Variants in UACA observed in about 807,000 individuals in gnomAD.
UACA encodes the protein nuclear membrane binding protein.
Under a neutral mutation model 160.5 loss-of-function variants are expected in UACA, and 112 were observed. That is an observed-to-expected ratio of 0.70 (90% CI 0.60 to 0.82). The LOEUF is 0.82. UACA is among the 40% of genes least tolerant of loss of function. The pLI, the probability that UACA is intolerant of heterozygous loss-of-function variation, is 0.00. For missense variants in UACA, 1,574 were observed against 1,614.6 expected (o/e 0.97, Z 0.43); for synonymous variants, 557 against 568.4 (o/e 0.98, Z 0.29).
chr15:70,776,488 C>T, the UACA span, among the ~76,000 whole-genome samples: 7 of 145,766 alleles, frequency 4.8e-5, no homozygotes, highest in East Asian at 1.0e-3. Flanking sequence ...AGTGCAGTGG[C>T]GTGATCTCAG....
chr15:70,703,761 C>A (rs993003565), intron 1 of UACA, among the ~76,000 whole-genome samples: 4 of 152,176 alleles, frequency 2.6e-5, no homozygotes, highest in African/African-American at 9.7e-5. Context: ...TGCCACCTCC[C>A]CAGCCTCTGT....
chr15:70,711,178 T>C (rs955898325), intron 1 of UACA, among the ~76,000 whole-genome samples: 2 of 152,148 alleles, frequency 1.3e-5, no homozygotes, highest in East Asian at 1.9e-4. Flanking sequence ...CAAAAGCACA[T>C]ATTCAGAAAA....
intron 1 of UACA, among the ~76,000 whole-genome samples, chr15:70,721,407 C>T (rs879929822): frequency 2.2e-4 from 33 of 152,082 alleles, no homozygotes; most frequent in Non-Finnish European, 4.6e-4. Context: ...GGGCGGATCA[C>T]AAGGTCAGGA....
At chr15:70,771,030 G>A in the UACA span, among the ~76,000 whole-genome samples, 1 of 152,190 alleles carries the variant, frequency 6.6e-6, no homozygotes, top group Non-Finnish European at 1.5e-5. Context: ...CAGCCAGAGA[G>A]CTCCCATTCA....
At chr15:70,755,868 T>C (rs1037507660) in intron 1 of UACA, among the ~76,000 whole-genome samples, 72 of 152,094 alleles carry the variant, frequency 4.7e-4, no homozygotes, top group Non-Finnish European at 7.4e-5. Flanking sequence ...CACAGCTCCA[T>C]ACCACTGCAT....
At chr15:70,694,412 T>A (rs980164259) in intron 3 of UACA, among the ~76,000 whole-genome samples, 2 of 152,012 alleles carry the variant, frequency 1.3e-5, no homozygotes, top group East Asian at 1.9e-4. Context: ...ATGATTTTTT[T>A]ATAAATATAG....
Position 70,687,655 on chromosome 15 carries a change from C to T in UACA, c.496-9G>A. 1 of 1,613,734 alleles carries T rather than the reference C, an allele frequency of 6.2e-7. No homozygotes were observed. Among genetic ancestry groups the T allele is most frequent in the Non-Finnish European group, 8.5e-7 (1 of 1,179,794 alleles). ...AGTGGTGTCCGCCCGTCCTAAGCAA[C>T]AGGAAAAATAAAACAGCATTAAGAC... On this transcript the variant is annotated splice_polypyrimidine_tract_variant and intron_variant, in intron 6 of 18. Coordinates refer to ENST00000322954, the MANE Select transcript of UACA (RefSeq NM_018003.4).
At chr15:70,745,639 A>G (rs1899684167) in intron 1 of UACA, among the ~76,000 whole-genome samples, 1 of 152,200 alleles carries the variant, frequency 6.6e-6, no homozygotes, top group Non-Finnish European at 1.5e-5. Context: ...ACCAAAAAAG[A>G]GCCTGCATTG....
At chr15:70,722,881 G>A (rs1899033268) in intron 1 of UACA, among the ~76,000 whole-genome samples, 1 of 151,884 alleles carries the variant, frequency 6.6e-6, no homozygotes, top group Non-Finnish European at 1.5e-5. Flanking sequence ...AATTAAGGTG[G>A]CACCACTCAG....
intron 13 of UACA, among the ~76,000 whole-genome samples, chr15:70,674,974 T>C (rs1008104497): frequency 1.3e-5 from 2 of 152,214 alleles, no homozygotes; most frequent in African/African-American, 4.8e-5. Flanking sequence ...GAAATTATAT[T>C]ATACTTTGAT....
chr15:70,754,007 T>C (rs961114816), intron 1 of UACA: 1 of 404,230 alleles, frequency 2.5e-6, no homozygotes, highest in Non-Finnish European at 4.9e-6. Flanking sequence ...GGTTTCATCA[T>C]GTTGCCCAGG....
intron 1 of UACA, among the ~76,000 whole-genome samples, chr15:70,763,079 C>A (rs1296666558): frequency 2.0e-5 from 3 of 152,280 alleles, no homozygotes; most frequent in South Asian, 2.1e-4. Flanking sequence ...ACTGAGGTTT[C>A]TTCCAGAAGT....
At chr15:70,694,963 G>T in intron 3 of UACA, 54 bp downstream of exon 3, 1 of 1,360,156 alleles carries the variant, frequency 7.4e-7, no homozygotes, top group Non-Finnish European at 1.0e-6. Flanking sequence ...GTTAGCAGTG[G>T]ACAATGTTTG....
intron 1 of UACA, among the ~76,000 whole-genome samples, chr15:70,749,917 T>A (rs763101257): frequency 1.2e-4 from 18 of 152,176 alleles, no homozygotes; most frequent in Admixed American, 2.6e-4. Flanking sequence ...CAGGAAGATA[T>A]GGACAGTGCT....
intron 1 of UACA, among the ~76,000 whole-genome samples, chr15:70,710,805 C>T (rs1829252107): frequency 6.6e-6 from 1 of 152,242 alleles, no homozygotes; most frequent in Non-Finnish European, 1.5e-5. Flanking sequence ...TCACCATCCT[C>T]CAGGTGCCTC....
rs925564064 is a variant in UACA at position 70,677,098 on chromosome 15, G to A, written c.1032+10C>T. 1 of 1,597,124 alleles carries A rather than the reference G, an allele frequency of 6.3e-7. No homozygotes were observed. Among genetic ancestry groups the A allele is most frequent in the African/African-American group, 1.3e-5 (1 of 74,084 alleles). ...CAATTTTAATGGTTTAAAATAAAAT[G>A]TCACCCTACCTCGCTTTCCAGATCA... is the stretch of plus-strand genomic sequence containing the variant. On this transcript the variant is annotated intron_variant, in intron 12 of 18. Transcript: ENST00000322954.
chr15:70,769,826 A>G, the UACA span, among the ~76,000 whole-genome samples: 1 of 152,032 alleles, frequency 6.6e-6, no homozygotes, highest in East Asian at 1.9e-4. Context: ...GTGAAACCCC[A>G]TCTCTACTAA....
intron 18 of UACA, among the ~76,000 whole-genome samples, chr15:70,657,529 A>C (rs982753151): frequency 6.6e-6 from 1 of 152,156 alleles, no homozygotes; most frequent in African/African-American, 2.4e-5. Context: ...TGGGAGGCAG[A>C]GGTTGCAGCG....
intron 2 of UACA, among the ~76,000 whole-genome samples, chr15:70,697,103 TTCTATAACAGGAG>T (rs1275615116): frequency 6.6e-6 from 1 of 152,226 alleles, no homozygotes; most frequent in African/African-American, 2.4e-5. Flanking sequence ...AGACATGGAC[TTCTATAACAGGAG>T]ATATATGTAA....
Sources: gnomAD v4.1 joint callset for allele counts (sites outside exome capture counted in the v4.1 genomes callset) on GRCh38, gnomAD v4.1.1 for gene constraint, MANE v1.5 for transcripts, NCBI Gene and HGNC (gene_info 2026-07-23, HGNC 2026-07-21) for gene names.